SGCG: variants seen among roughly 807,000 people sequenced by gnomAD.
SGCG encodes the protein gamma-sarcoglycan.
Under a neutral mutation model 29.3 loss-of-function variants are expected in SGCG, and 26 were observed. The ratio of observed to expected loss-of-function variants is 0.89; its 90% CI spans 0.65 to 1.23. SGCG has a LOEUF of 1.23. SGCG is among the 50% of genes most tolerant of loss of function. SGCG has a pLI of 0.00. For synonymous variants in SGCG, 145 were observed against 129.7 expected (o/e 1.12, Z -0.80); for missense variants, 353 against 356.0 (o/e 0.99, Z 0.07).
intron 5 of SGCG, among the ~76,000 whole-genome samples, chr13:23,291,346 AAAG>A (rs200476502): frequency 1.1e-5 from 1 of 90,666 alleles, no homozygotes; most frequent in African/African-American, 4.3e-5. Context: ...CATTTTCCAC[AAAG>A]AAGAGGTATT....
At chr13:23,207,690 T>C (rs1434122814) in intron 2 of SGCG, among the ~76,000 whole-genome samples, 1 of 151,998 alleles carries the variant, frequency 6.6e-6, no homozygotes, top group African/African-American at 2.4e-5. Flanking sequence ...AGACATACAA[T>C]GGCCAAAGTG....
intron 2 of SGCG, among the ~76,000 whole-genome samples, chr13:23,211,690 G>A (rs927174147): frequency 1.2e-4 from 18 of 152,168 alleles, no homozygotes; most frequent in African/African-American, 2.9e-4. Context: ...CTTCTTGACC[G>A]CAGGCTGGGC....
chr13:23,183,875 T>C (rs564155987), intron 1 of SGCG, among the ~76,000 whole-genome samples: 10 of 151,708 alleles, frequency 6.6e-5, no homozygotes, highest in African/African-American at 2.4e-4. Context: ...ACCATGTTAG[T>C]CAGGATGGTC....
At chr13:23,228,020 A>G (rs989096857) in intron 2 of SGCG, among the ~76,000 whole-genome samples, 1 of 152,004 alleles carries the variant, frequency 6.6e-6, no homozygotes, top group African/African-American at 2.4e-5. Context: ...CATGTTGCCC[A>G]GGCTGGTCTT....
intron 1 of SGCG, among the ~76,000 whole-genome samples, chr13:23,203,412 T>C (rs1036932639): frequency 1.3e-5 from 2 of 152,228 alleles, no homozygotes; most frequent in Non-Finnish European, 2.9e-5. Context: ...TTTATTAACA[T>C]CTGAATTTAT....
chr13:23,188,598 T>G (rs575955611), intron 1 of SGCG, among the ~76,000 whole-genome samples: 2 of 150,800 alleles, frequency 1.3e-5, no homozygotes, highest in African/African-American at 4.9e-5. Context: ...GGATTATAGG[T>G]GTGAGCCACC....
intron 1 of SGCG, among the ~76,000 whole-genome samples, chr13:23,187,934 C>T (rs1355938509): frequency 1.3e-5 from 2 of 152,228 alleles, no homozygotes; most frequent in Admixed American, 6.5e-5. Context: ...GAGGCCTATG[C>T]TGTGATTCTT....
rs531364897 is a variant in SGCG, at chr13:23,275,565, T to C, written c.386-3794T>C. 2.0e-4 allele frequency among the ~76,000 whole-genome samples: 30 copies of C among 152,212 alleles called. No homozygotes were observed. In the South Asian group the frequency reaches 6.2e-3, roughly 32 times the overall value. On this transcript the variant is annotated intron_variant, in intron 4 of 7. Transcript: ENST00000218867. The stretch of plus-strand genomic sequence containing the variant: ...TGGAAGGCTGTGTAAGTTTTGCATA[T>C]GATTATCAGGGACATTTACTAGAAA...
Position 23,312,975 on chromosome 13 carries a change from T to G in SGCG, c.579-7662T>G, listed in dbSNP as rs145127560. On this transcript the variant is annotated intron_variant, in intron 6 of 7. Transcript: ENST00000218867. ...GGAAATTTTTGTATGGTATGTAAGG[T>G]GAGTTACCCATTCTTCAGCCATTGA... Among the ~76,000 whole-genome samples, 47 of 152,280 alleles carry G rather than the reference T, an allele frequency of 3.1e-4. 1 individual carries two copies. The highest frequency in any genetic ancestry group is 5.1e-4 in the Non-Finnish European group (35 of 68,028).
chr13:23,189,238 G>A lies in SGCG; in HGVS notation c.-1+8163G>A, dbSNP rs549781255. Reference sequence around the variant, plus strand: ...GTCGTCCAGGCTGGAGTGCAGTGGCGCGATCTCAGCTCACTGCAACCTCCG... The same window carrying A: ...GTCGTCCAGGCTGGAGTGCAGTGGCACGATCTCAGCTCACTGCAACCTCCG... On this transcript the variant is annotated intron_variant, in intron 1 of 7. Coordinates refer to ENST00000218867, the MANE Select transcript of SGCG (RefSeq NM_000231.3). Among the ~76,000 whole-genome samples, 327 of 152,260 alleles carry A rather than the reference G, an allele frequency of 2.1e-3. 1 individual carries two copies. The highest frequency in any genetic ancestry group is 7.1e-3 in the African/African-American group (294 of 41,558).
chr13:23,203,005 A>G (rs1877824202), intron 1 of SGCG, among the ~76,000 whole-genome samples: 1 of 151,982 alleles, frequency 6.6e-6, no homozygotes, highest in Non-Finnish European at 1.5e-5. Flanking sequence ...TGTCTTCCAG[A>G]CTGGAGTGCA....
intron 2 of SGCG, among the ~76,000 whole-genome samples, chr13:23,215,437 AG>A (rs1878391655): frequency 6.6e-6 from 1 of 152,192 alleles, no homozygotes; most frequent in Admixed American, 6.5e-5. Flanking sequence ...AATAGTGAAA[AG>A]AATATTAGCT....
chr13:23,163,559 C>G, the SGCG span, among the ~76,000 whole-genome samples: 2 of 152,132 alleles, frequency 1.3e-5, no homozygotes, highest in Non-Finnish European at 2.9e-5. Context: ...GGCTTGGTTG[C>G]TTCAGGTACA....
intron 6 of SGCG, among the ~76,000 whole-genome samples, chr13:23,317,485 G>A (rs1275757670): frequency 2.0e-5 from 3 of 152,102 alleles, no homozygotes; most frequent in Non-Finnish European, 2.9e-5. Context: ...TACCAGCTAC[G>A]AACACGTGAC....
chr13:23,284,166 G>C (rs1412535719), intron 5 of SGCG, among the ~76,000 whole-genome samples: 1 of 152,052 alleles, frequency 6.6e-6, no homozygotes, highest in Non-Finnish European at 1.5e-5. Flanking sequence ...TGCTAGTTTG[G>C]GGAAGTTCTC....
intron 1 of SGCG, among the ~76,000 whole-genome samples, chr13:23,191,883 A>T (rs1286238905): frequency 6.6e-6 from 1 of 152,190 alleles, no homozygotes; most frequent in African/African-American, 2.4e-5. Context: ...GGACACTGAG[A>T]TGTAAAAAGA....
chr13:23,279,319 T>G (rs753050222), intron 4 of SGCG, 40 bp from the exon 5 acceptor site: 2 of 1,598,228 alleles, frequency 1.3e-6, no homozygotes, highest in South Asian at 2.2e-5. Flanking sequence ...GGACACTGCT[T>G]GTAGTGAACA....
the SGCG span, among the ~76,000 whole-genome samples, chr13:23,167,097 TGA>T: frequency 6.6e-6 from 1 of 152,354 alleles, no homozygotes; most frequent in East Asian, 1.9e-4. Context: ...TCTGTCTCCA[TGA>T]GTTCAATTGT....
At chr13:23,185,448 C>G (rs767395051) in intron 1 of SGCG, among the ~76,000 whole-genome samples, 3 of 152,218 alleles carry the variant, frequency 2.0e-5, no homozygotes, top group Non-Finnish European at 4.4e-5. Context: ...CCTTGGCCTC[C>G]TAAAGTGCTG....
Sources: allele counts gnomAD v4.1 joint callset (sites outside exome capture counted in the v4.1 genomes callset), GRCh38; gene constraint gnomAD v4.1.1; transcripts MANE v1.5; gene names NCBI Gene and HGNC (gene_info 2026-07-23, HGNC 2026-07-21).